The following HCN1 variants were observed in gnomAD, a reference collection of about 807,000 sequenced individuals.
HCN1 encodes potassium/sodium hyperpolarization-activated cyclic nucleotide-gated channel 1.
In HCN1, 13 loss-of-function variants were observed where a neutral mutation model predicts 78.9. That is an observed-to-expected ratio of 0.16 (90% CI 0.11 to 0.26). The LOEUF (loss-of-function observed/expected upper bound fraction) is 0.26. Among genes scored for constraint, HCN1 ranks in the 10% least tolerant of loss-of-function variants. The pLI, the probability that HCN1 is intolerant of heterozygous loss-of-function variation, is 1.00. For missense variants in HCN1, 810 were observed against 1,154.3 expected (o/e 0.70, Z 4.32); for synonymous variants, 552 against 455.5 (o/e 1.21, Z -2.70).
rs144538902 is a variant in HCN1, at chr5:45,310,559, C to T, written c.1378-6720G>A. Among the ~76,000 whole-genome samples the T allele has an allele frequency of 6.6e-4, 100 of 151,856 alleles. 1 individual carries two copies. In the East Asian group the frequency reaches 0.012, roughly 18 times the overall value. On this transcript the variant is annotated intron_variant, in intron 5 of 7. Transcript: ENST00000303230. Reference sequence around the variant, plus strand: ...TGGATAAAAAGGAACGTTTATACACCCTTGATGGGAGCATAAATTAGTTCA... The same window carrying T: ...TGGATAAAAAGGAACGTTTATACACTCTTGATGGGAGCATAAATTAGTTCA...
At chr5:45,560,622 T>C (rs1196789889) in intron 2 of HCN1, among the ~76,000 whole-genome samples, 1 of 152,050 alleles carries the variant, frequency 6.6e-6, no homozygotes, top group Non-Finnish European at 1.5e-5. Flanking sequence ...TTAAAAATTA[T>C]CCTGTCCACA....
chr5:45,617,908 T>G (rs991345792), intron 2 of HCN1, among the ~76,000 whole-genome samples: 5 of 152,100 alleles, frequency 3.3e-5, no homozygotes, highest in African/African-American at 7.2e-5. Context: ...CCCAACCTGT[T>G]CCAGAGTCTA....
chr5:45,321,808 T>G (rs559912175), intron 5 of HCN1, among the ~76,000 whole-genome samples: 1 of 152,028 alleles, frequency 6.6e-6, no homozygotes, highest in Admixed American at 6.6e-5. Context: ...TGCATTTTAT[T>G]GCATATGATT....
At chr5:45,299,893 C>T (rs1395604025) in intron 6 of HCN1, among the ~76,000 whole-genome samples, 2 of 151,976 alleles carry the variant, frequency 1.3e-5, no homozygotes, top group South Asian at 4.1e-4. Context: ...AGACCAATCT[C>T]ACTCATGGAC....
chr5:45,345,108 A>G (rs1746673687), intron 5 of HCN1, among the ~76,000 whole-genome samples: 1 of 152,118 alleles, frequency 6.6e-6, no homozygotes, highest in African/African-American at 2.4e-5. Context: ...GCTCAACATC[A>G]TGTGGAAGAT....
intron 5 of HCN1, among the ~76,000 whole-genome samples, chr5:45,349,054 A>T (rs553766662): frequency 3.7e-4 from 57 of 152,296 alleles, no homozygotes; most frequent in Non-Finnish European, 7.1e-4. Flanking sequence ...CTCCACCCCA[A>T]ATCAATAGAA....
intron 2 of HCN1, among the ~76,000 whole-genome samples, chr5:45,476,990 C>T (rs1026843895): frequency 6.6e-6 from 1 of 151,882 alleles, no homozygotes; most frequent in East Asian, 1.9e-4. Context: ...AATTGTGCTC[C>T]ATATTATTCC....
At chr5:45,560,400 C>A (rs1743572588) in intron 2 of HCN1, among the ~76,000 whole-genome samples, 2 of 151,912 alleles carry the variant, frequency 1.3e-5, no homozygotes, top group Non-Finnish European at 2.9e-5. Context: ...AAAATTACCA[C>A]AAGCCTACAA....
At chr5:45,640,412 G>A (rs1051878467) in intron 2 of HCN1, among the ~76,000 whole-genome samples, 1 of 152,098 alleles carries the variant, frequency 6.6e-6, no homozygotes, top group African/African-American at 2.4e-5. Context: ...TGATATCTAT[G>A]TCTGGCAAAA....
At chr5:45,582,021 T>C (rs542966120) in intron 2 of HCN1, among the ~76,000 whole-genome samples, 131 of 152,326 alleles carry the variant, frequency 8.6e-4, no homozygotes, top group Middle Eastern at 3.4e-3. Context: ...TTTGGTTCCA[T>C]ATGAACTTTA....
chr5:45,285,443 A>C (rs1745248412), intron 6 of HCN1, among the ~76,000 whole-genome samples: 1 of 152,042 alleles, frequency 6.6e-6, no homozygotes, highest in Non-Finnish European at 1.5e-5. Flanking sequence ...GGTGGGAACT[A>C]GGTGTATTCT....
In HCN1 at chr5:45,258,557, CATT is replaced by C. The variant is rs1402912866; in HGVS notation, c.*3361_*3363del. 1 of 152,084 alleles carries C rather than the reference CATT, an allele frequency of 6.6e-6. No homozygotes were observed. Among genetic ancestry groups the C allele is most frequent in the East Asian group, 1.9e-4 (1 of 5,174 alleles). 9.4% of individuals were successfully genotyped at this position (152,084 alleles called of 1,614,324 possible). On this transcript the variant is annotated 3_prime_UTR_variant, in exon 8 of 8. Transcript: ENST00000303230. The stretch of plus-strand genomic sequence containing the variant: ...TCAGGAATGCTTCACTACTTATTCT[CATT>C]ATGATAAACTCTATCTCAGGCTTTT...
At chr5:45,371,854 T>A (rs1394885100) in intron 4 of HCN1, among the ~76,000 whole-genome samples, 4 of 126,486 alleles carry the variant, frequency 3.2e-5, no homozygotes, top group Non-Finnish European at 6.3e-5. Context: ...AAAATATATA[T>A]AATATACATT....
chr5:45,371,907 TA>T (rs1282254000), intron 4 of HCN1, among the ~76,000 whole-genome samples: 41 of 101,874 alleles, frequency 4.0e-4, no homozygotes, highest in South Asian at 2.2e-3. Flanking sequence ...CATTATATTA[TA>T]AAAAATATAT....
chr5:45,520,406 T>C (rs1000233759), intron 2 of HCN1, among the ~76,000 whole-genome samples: 1 of 152,024 alleles, frequency 6.6e-6, no homozygotes, highest in African/African-American at 2.4e-5. Flanking sequence ...AGTAATTGGT[T>C]TGTATTTAAC....
intron 1 of HCN1, among the ~76,000 whole-genome samples, chr5:45,680,067 T>A (rs1330526539): frequency 6.6e-6 from 1 of 152,146 alleles, no homozygotes; most frequent in Admixed American, 6.6e-5. Context: ...CTTTTCTCTC[T>A]CTTTCCAACA....
chr5:45,483,843 C>A (rs1477988353), intron 2 of HCN1, among the ~76,000 whole-genome samples: 2 of 152,108 alleles, frequency 1.3e-5, no homozygotes, highest in African/African-American at 4.8e-5. Flanking sequence ...ATATGGCTAG[C>A]CAGTTATCCT....
intron 4 of HCN1, among the ~76,000 whole-genome samples, chr5:45,391,113 A>T (rs145440456): frequency 3.2e-4 from 49 of 152,240 alleles, no homozygotes; most frequent in Non-Finnish European, 6.3e-4. Context: ...ACTATGTGGG[A>T]GTTGTACTCA....
At chr5:45,471,024 C>G (rs1393532429) in intron 2 of HCN1, among the ~76,000 whole-genome samples, 2 of 151,864 alleles carry the variant, frequency 1.3e-5, no homozygotes, top group African/African-American at 4.8e-5. Flanking sequence ...ATCTTTCTGT[C>G]TTACCTGTTT....
Sources: gnomAD v4.1 joint callset for allele counts (sites outside exome capture counted in the v4.1 genomes callset) on GRCh38, gnomAD v4.1.1 for gene constraint, MANE v1.5 for transcripts, NCBI Gene and HGNC (gene_info 2026-07-23, HGNC 2026-07-21) for gene names.